The following CES5A variants were observed in gnomAD, a reference collection of about 807,000 sequenced individuals.
CES5A encodes the protein carboxylesterase 5.
In CES5A, 67 loss-of-function variants were observed where a neutral mutation model predicts 62.9. The ratio of observed to expected loss-of-function variants is 1.07; its 90% CI spans 0.88 to 1.31. CES5A has a LOEUF of 1.31. Among genes scored for constraint, CES5A ranks in the 50% most tolerant of loss-of-function variants. The probability of loss-of-function intolerance (pLI) is 0.00; values close to 1 mark genes in which losing one functional copy is unlikely to be tolerated. For missense variants in CES5A, 748 were observed against 708.5 expected (o/e 1.06, Z -0.63); for synonymous variants, 296 against 280.8 (o/e 1.05, Z -0.54).
intron 1 of CES5A, among the ~76,000 whole-genome samples, chr16:55,909,469 G>T (rs1379928212): frequency 6.6e-6 from 1 of 152,148 alleles, no homozygotes; most frequent in East Asian, 1.9e-4. Flanking sequence ...TTCTACATTG[G>T]GGTAGAACAC....
In CES5A at chr16:55,869,625, T is replaced by C; in HGVS notation, c.537A>G (p.Ile179Met). ...LVVVVQYRLG[I>M]FGFFTTWDQH... ...GAGAGACTCACGTGAAGAAACCAAA[T>C]ATTCCTAGCCGGTACTGGACGACCA... Residue 179 changes from isoleucine to methionine, a missense_variant, in exon 4 of 13, where the codon ATA becomes ATG. Transcript: ENST00000290567. 6.2e-7 allele frequency: 1 copy of C among 1,613,808 alleles called. No homozygotes were observed. The highest frequency in any genetic ancestry group is 8.5e-7 in the Non-Finnish European group (1 of 1,179,912).
At chr16:55,874,125 T>G in intron 1 of CES5A, 88 bp from the exon 2 acceptor site, 1 of 1,180,380 alleles carries the variant, frequency 8.5e-7, no homozygotes, top group Non-Finnish European at 1.2e-6. Flanking sequence ...AGTGGGGATG[T>G]GCTTCCTTCA....
chr16:55,912,083 C>T (rs796084775), intron 1 of CES5A, among the ~76,000 whole-genome samples: 14 of 152,294 alleles, frequency 9.2e-5, no homozygotes, highest in East Asian at 1.9e-4. Flanking sequence ...ATCAACTCCC[C>T]GCCCCTCCCA....
At chr16:55,886,373 A>T (rs1464649259) in intron 1 of CES5A, among the ~76,000 whole-genome samples, 9 of 152,208 alleles carry the variant, frequency 5.9e-5, no homozygotes, top group African/African-American at 2.2e-4. Flanking sequence ...AATCATGAGG[A>T]TTCATCTATG....
intron 1 of CES5A, among the ~76,000 whole-genome samples, chr16:55,921,250 G>A (rs2034201150): frequency 6.6e-6 from 1 of 152,054 alleles, no homozygotes; most frequent in Non-Finnish European, 1.5e-5. Flanking sequence ...AAATATCTAG[G>A]TATAGGAAGA....
At chr16:55,915,046 A>C (rs2034133067) in intron 1 of CES5A, among the ~76,000 whole-genome samples, 2 of 151,338 alleles carry the variant, frequency 1.3e-5, no homozygotes, top group Non-Finnish European at 2.9e-5. Flanking sequence ...CAAAGCCTGC[A>C]TTGGGCCTTT....
At chr16:55,877,072 A>C (rs7189204), upstream of CES5A, among the ~76,000 whole-genome samples, 1 of 152,036 alleles carries the variant, frequency 6.6e-6, no homozygotes, top group African/African-American at 2.4e-5. Context: ...CCTCCCAGGA[A>C]CCCCGGCAGT....
At chr16:55,926,139 T>C (rs1396986441), upstream of CES5A, among the ~76,000 whole-genome samples, 1 of 152,148 alleles carries the variant, frequency 6.6e-6, no homozygotes, top group Non-Finnish European at 1.5e-5. Context: ...GGTTCTGGAA[T>C]GAAGAAAAAA....
At chr16:55,893,250 C>T (rs550434957) in intron 1 of CES5A, among the ~76,000 whole-genome samples, 7 of 152,254 alleles carry the variant, frequency 4.6e-5, no homozygotes, top group Admixed American at 1.3e-4. Context: ...AGGCTCAACC[C>T]TTCCTCAGCT....
chr16:55,954,086 A>T (rs2034584234), intron 1 of CES5A, among the ~76,000 whole-genome samples: 1 of 151,952 alleles, frequency 6.6e-6, no homozygotes, highest in South Asian at 2.1e-4. Flanking sequence ...TCTACTCTCT[A>T]TCTCCATGAG....
chr16:55,879,773 T>G (rs1399990608), upstream of CES5A, among the ~76,000 whole-genome samples: 2 of 152,050 alleles, frequency 1.3e-5, no homozygotes. Flanking sequence ...TTTAAATTTT[T>G]GTAGAGATGG....
chr16:55,919,818 A>T (rs2034183992), intron 1 of CES5A, among the ~76,000 whole-genome samples: 1 of 152,242 alleles, frequency 6.6e-6, no homozygotes, highest in Admixed American at 6.5e-5. Flanking sequence ...TAGCTGGCAC[A>T]TTTGAGCTCC....
At chr16:55,918,505 T>C (rs1393578497) in intron 1 of CES5A, among the ~76,000 whole-genome samples, 3 of 152,216 alleles carry the variant, frequency 2.0e-5, no homozygotes, top group African/African-American at 7.2e-5. Context: ...GAAATAATCA[T>C]CACTAATCCT....
intron 6 of CES5A, among the ~76,000 whole-genome samples, chr16:55,861,951 A>T (rs1167765921): frequency 6.6e-6 from 1 of 152,144 alleles, no homozygotes; most frequent in Non-Finnish European, 1.5e-5. Context: ...CAGTACAGGC[A>T]GGACTCCAGA....
intron 4 of CES5A, among the ~76,000 whole-genome samples, chr16:55,866,658 T>TA (rs369679801): frequency 0.098 from 8,083 of 82,740 alleles, 710 homozygotes; most frequent in Middle Eastern, 0.15. Context: ...CTGTCTCTGC[T>TA]AAAAAAAAAA....
intron 2 of CES5A, among the ~76,000 whole-genome samples, chr16:55,930,779 A>C (rs1488687133): frequency 6.6e-6 from 1 of 152,242 alleles, no homozygotes; most frequent in Non-Finnish European, 1.5e-5. Context: ...TCATGAAAAC[A>C]GAGAGATTGG....
intron 1 of CES5A, among the ~76,000 whole-genome samples, chr16:55,916,540 T>C (rs1057161609): frequency 1.1e-4 from 16 of 152,296 alleles, no homozygotes; most frequent in South Asian, 1.0e-3. Context: ...GCAAAAGCGA[T>C]TTCATTAACT....
chr16:55,859,210 A>C (rs1310089073), intron 8 of CES5A, among the ~76,000 whole-genome samples: 2 of 152,258 alleles, frequency 1.3e-5, no homozygotes, highest in Non-Finnish European at 2.9e-5. Context: ...AACCTATCTG[A>C]ATGTCAGCTC....
rs558111421 is a variant in CES5A, at chr16:55,849,858, T to G, written c.1274-85A>C. The G allele has an allele frequency of 3.5e-6, 5 of 1,445,356 alleles. No homozygotes were observed. The South Asian group carries it at 5.0e-5, about 15-fold the overall frequency. 89.5% of individuals were successfully genotyped at this position (1,445,356 alleles called of 1,614,324 possible). Reference sequence around the variant, plus strand: ...GTGTCCCCACCTATCAAGTCTTGGATGTATAGACCCAGGGGTGGGACAGCT... The same window carrying G: ...GTGTCCCCACCTATCAAGTCTTGGAGGTATAGACCCAGGGGTGGGACAGCT... On this transcript the variant is annotated intron_variant, in intron 10 of 12. Transcript: ENST00000290567.
Sources: gnomAD v4.1 joint callset for allele counts (sites outside exome capture counted in the v4.1 genomes callset) on GRCh38, gnomAD v4.1.1 for gene constraint, MANE v1.5 for transcripts, NCBI Gene and HGNC (gene_info 2026-07-23, HGNC 2026-07-21) for gene names.